The following XPO7 variants were observed in gnomAD, a reference collection of about 807,000 sequenced individuals.
The protein encoded by XPO7 is exportin 7, also known as exportin-7.
XPO7 carries 21 observed loss-of-function variants against 144.3 expected under a neutral mutation model. The observed-to-expected ratio is 0.15, with a 90% CI of 0.10 to 0.21. The LOEUF (loss-of-function observed/expected upper bound fraction) is 0.21, where lower values mean the gene tolerates loss of function less well. Ranked by LOEUF, XPO7 falls within the 10% of genes least tolerant of loss-of-function variation. The pLI is 1.00. For synonymous variants in XPO7, 580 were observed against 499.6 expected (o/e 1.16, Z -2.15); for missense variants, 808 against 1,325.8 (o/e 0.61, Z 6.06).
At chr8:22,004,918 T>TA in intron 27 of XPO7, 77 bp from the exon 28 acceptor site, 27 of 758,430 alleles carry the variant, frequency 3.6e-5, no homozygotes, top group Middle Eastern at 2.6e-4. Context: ...TTCCCATGCT[T>TA]TAAAAAAAAA....
intron 1 of XPO7, among the ~76,000 whole-genome samples, chr8:21,948,966 A>T (rs1386322056): frequency 6.6e-6 from 1 of 152,216 alleles, no homozygotes; most frequent in Non-Finnish European, 1.5e-5. Context: ...TACTTGAGTC[A>T]TTACCAGGAA....
chr8:21,990,853 C>G lies in XPO7; in HGVS notation c.1975C>G (p.Leu659Val). 1.2e-6 allele frequency: 2 copies of G among 1,613,980 alleles called. No individual in the cohort carries two copies. Among genetic ancestry groups the G allele is most frequent in the Non-Finnish European group, 1.7e-6 (2 of 1,179,878 alleles). Residue 659 changes from leucine (L) to valine (V), a missense_variant, in exon 18 of 28, where the codon CTG (leucine) becomes GTG (valine). Around this residue, in one of 5 missense-constraint regions of XPO7, gnomAD observed 416 missense variants for 612.5 expected, o/e 0.68. Coordinates refer to ENST00000252512, the MANE Select transcript of XPO7 (RefSeq NM_015024.5). The stretch of plus-strand genomic sequence containing the variant: ...TTTGGGTATTAACAATCAGTCCAAC[C>G]TGACAGACATGCGGTGTCGGACTAC... ...SFLGINNQSN[L>V]TDMRCRTTFY...
intron 13 of XPO7, among the ~76,000 whole-genome samples, chr8:21,985,944 C>G (rs1425286562): frequency 6.6e-6 from 1 of 152,172 alleles, no homozygotes; most frequent in African/African-American, 2.4e-5. Flanking sequence ...TCTGTTAGGT[C>G]TTTTTACGAA....
intron 1 of XPO7, among the ~76,000 whole-genome samples, chr8:21,938,824 C>G (rs1047446490): frequency 5.3e-5 from 8 of 151,964 alleles, no homozygotes; most frequent in Admixed American, 2.0e-4. Context: ...GAGACTATCT[C>G]AAGATCCCAG....
At chr8:21,974,327 C>T (rs1228949501) in intron 5 of XPO7, among the ~76,000 whole-genome samples, 1 of 152,086 alleles carries the variant, frequency 6.6e-6, no homozygotes. Flanking sequence ...CCACGCCTGG[C>T]CCATTAAGCC....
chr8:21,976,265 C>G lies in XPO7; in HGVS notation c.598-91C>G. The G allele has an allele frequency of 2.8e-6, 4 of 1,436,304 alleles. No individual in the cohort carries two copies. In the South Asian group the frequency reaches 5.2e-5, roughly 19 times the overall value. The allele number at this position is 1,436,304 out of a possible 1,614,324, so 89.0% of individuals were successfully genotyped here. A position where few individuals can be genotyped will look rare whatever the true frequency, so the allele number is the denominator to read the frequency against. On this transcript the variant is annotated intron_variant, in intron 6 of 27. Transcript: ENST00000252512. ...TTTTACTGTGCTAACATATAGCCCT[C>G]CTTTTCTGACTTAACAGCTTTGTTG... is the stretch of plus-strand genomic sequence containing the variant.
intron 1 of XPO7, among the ~76,000 whole-genome samples, chr8:21,938,638 C>G (rs955411708): frequency 6.6e-6 from 1 of 152,136 alleles, no homozygotes; most frequent in Non-Finnish European, 1.5e-5. Flanking sequence ...TAAATTATAA[C>G]TACTTGACAC....
chr8:21,922,733 A>G (rs748120161), intron 1 of XPO7, among the ~76,000 whole-genome samples: 21 of 152,330 alleles, frequency 1.4e-4, no homozygotes, highest in South Asian at 2.1e-4. Flanking sequence ...CGAATATGCT[A>G]TTTAATATGA....
intron 21 of XPO7, among the ~76,000 whole-genome samples, chr8:21,996,790 TTTTTA>T (rs1812963393): frequency 2.0e-5 from 3 of 152,106 alleles, no homozygotes; most frequent in Non-Finnish European, 4.4e-5. Flanking sequence ...TTTTTCTTTA[TTTTTA>T]TTTTATTTAT....
intron 1 of XPO7, among the ~76,000 whole-genome samples, chr8:21,957,660 T>A (rs1003090308): frequency 1.3e-5 from 2 of 152,220 alleles, no homozygotes; most frequent in African/African-American, 4.8e-5. Flanking sequence ...GCCATTTTAA[T>A]ATGAATTTCC....
intron 18 of XPO7, 29 bp downstream of exon 18, chr8:21,990,948 A>G (rs745646579): frequency 1.3e-6 from 2 of 1,597,532 alleles, no homozygotes; most frequent in South Asian, 2.2e-5. Flanking sequence ...GTGGCTCATG[A>G]AGTCATCTGG....
In XPO7 at chr8:21,999,331, A is replaced by G. The variant is rs376274838; in HGVS notation, c.2643+26A>G. 35 of 1,610,370 alleles carry G rather than the reference A, an allele frequency of 2.2e-5. No homozygotes were observed. In the East Asian group the frequency reaches 3.1e-4, roughly 14 times the overall value. The stretch of plus-strand genomic sequence containing the variant: ...GTAAGCCTTACGCTGCATTGCCACA[A>G]TCTTGTTCCTCATCACATTCAGCCT... On this transcript the variant is annotated intron_variant, in intron 23 of 27. Coordinates refer to ENST00000252512, the MANE Select transcript of XPO7 (RefSeq NM_015024.5).
At chr8:21,992,205 T>C (rs117761121) in intron 19 of XPO7, among the ~76,000 whole-genome samples, 3,030 of 152,344 alleles carry the variant, frequency 0.02, 32 homozygotes, top group South Asian at 0.034. Flanking sequence ...TTTTCAAATA[T>C]ATTAGCATAA....
chr8:22,004,545 A>T (rs984026621), intron 27 of XPO7, among the ~76,000 whole-genome samples: 41 of 152,338 alleles, frequency 2.7e-4, no homozygotes, highest in African/African-American at 9.4e-4. Context: ...TAAAATTAAG[A>T]TGCAGTTGGG....
At chr8:21,994,186 C>G (rs1185217256) in intron 19 of XPO7, among the ~76,000 whole-genome samples, 177 bp from the exon 20 acceptor site, 1 of 152,130 alleles carries the variant, frequency 6.6e-6, no homozygotes, top group East Asian at 1.9e-4. Context: ...CAAACTTCCA[C>G]TGCTAGAATG....
chr8:22,005,155 GC>G lies in XPO7; in HGVS notation c.*68del, dbSNP rs1413525602. 8.9e-6 allele frequency: 12 copies of G among 1,351,960 alleles called. No individual in the cohort carries two copies. Among genetic ancestry groups the G allele is most frequent in the Non-Finnish European group, 1.2e-5 (12 of 974,618 alleles). 83.7% of individuals were successfully genotyped at this position (1,351,960 alleles called of 1,614,324 possible). A position where few individuals can be genotyped will look rare whatever the true frequency, so the allele number is the denominator to read the frequency against. On this transcript the variant is annotated 3_prime_UTR_variant, in exon 28 of 28. Coordinates refer to ENST00000252512, the MANE Select transcript of XPO7 (RefSeq NM_015024.5). ...GTTTGGCCCAGAGGGGCGAACAATT[GC>G]AAGGGAGAGGGCCTGGCTGATCCTG...
chr8:21,985,824 G>A (rs1202526036), intron 13 of XPO7, 133 bp downstream of exon 13: 3 of 705,168 alleles, frequency 4.3e-6, no homozygotes, highest in Admixed American at 2.5e-5. Context: ...CAAGGCTTTT[G>A]TAAGTGCCAT....
At chr8:21,932,141 T>C (rs1246508128) in intron 1 of XPO7, among the ~76,000 whole-genome samples, 1 of 152,208 alleles carries the variant, frequency 6.6e-6, no homozygotes, top group African/African-American at 2.4e-5. Context: ...GTGCTGAGAT[T>C]GCAGGCGTGA....
intron 13 of XPO7, 56 bp downstream of exon 13, chr8:21,985,747 C>G (rs944922161): frequency 2.1e-5 from 30 of 1,440,890 alleles, no homozygotes; most frequent in Non-Finnish European, 2.8e-5. Flanking sequence ...TCTCCACTCC[C>G]CGATAGGGTC....
Sources: gnomAD v4.1 joint callset for allele counts (sites outside exome capture counted in the v4.1 genomes callset) on GRCh38, gnomAD v4.1.1 for gene constraint, gnomAD v4.1.1 regional missense constraint, MANE v1.5 for transcripts, NCBI Gene and HGNC (gene_info 2026-07-23, HGNC 2026-07-21) for gene names.